Variants in ARID4B observed in about 807,000 individuals in gnomAD.
ARID4B encodes the protein AT-rich interaction domain 4B.
In ARID4B, 26 loss-of-function variants were observed where a neutral mutation model predicts 147.5. The observed-to-expected ratio is 0.18, with a 90% CI of 0.13 to 0.24. ARID4B has a LOEUF of 0.24. Ranked by LOEUF, ARID4B falls within the 10% of genes least tolerant of loss-of-function variation. ARID4B has a pLI of 1.00. For missense variants in ARID4B, 1,179 were observed against 1,511.5 expected (o/e 0.78, Z 3.65); for synonymous variants, 512 against 507.9 (o/e 1.01, Z -0.11).
chr1:235,221,886 ATTTTTTTTTTTTTTTTT>A (rs768600040), intron 13 of ARID4B, among the ~76,000 whole-genome samples: 70 of 53,676 alleles, frequency 1.3e-3, no homozygotes, highest in African/African-American at 3.6e-3. Flanking sequence ...TCATTTGACT[ATTTTTTTTTTTTTTTTT>A]TTTTTTTTTT....
chr1:235,196,747 G>T (rs936677364), intron 17 of ARID4B, among the ~76,000 whole-genome samples: 8 of 151,798 alleles, frequency 5.3e-5, no homozygotes, highest in African/African-American at 1.9e-4. Context: ...CAGCTACTCA[G>T]GAGGCTGAGG....
Position 235,326,986 on chromosome 1 carries a change from G to A in ARID4B, c.-49-18C>T. The A allele has an allele frequency of 6.4e-7, 1 of 1,556,374 alleles. No homozygotes were observed. Among genetic ancestry groups the A allele is most frequent in the Non-Finnish European group, 8.9e-7 (1 of 1,128,118 alleles). ...AGCTGCACCTGGAGGGGAAACAAAA[G>A]ACACCCAGTCAACACCACAGGAGCC... On this transcript the variant is annotated intron_variant, in intron 1 of 23. Transcript: ENST00000264183.
intron 2 of ARID4B, among the ~76,000 whole-genome samples, chr1:235,297,882 A>G (rs1424419683): frequency 2.0e-5 from 3 of 152,200 alleles, no homozygotes; most frequent in Non-Finnish European, 4.4e-5. Flanking sequence ...TTAAGAGACC[A>G]TTTAGAACCG....
At chr1:235,236,369 G>T (rs2103060643) in intron 8 of ARID4B, among the ~76,000 whole-genome samples, 1 of 152,094 alleles carries the variant, frequency 6.6e-6, no homozygotes, top group Non-Finnish European at 1.5e-5. Context: ...AAAATCCTTA[G>T]ATTTTTCATT....
At chr1:235,298,134 T>TA (rs1672874680) in intron 2 of ARID4B, among the ~76,000 whole-genome samples, 1 of 152,170 alleles carries the variant, frequency 6.6e-6, no homozygotes, top group African/African-American at 2.4e-5. Flanking sequence ...GAATTTGCTT[T>TA]AAAATGCTAC....
At chr1:235,244,903 CA>C (rs1036591169) in intron 7 of ARID4B, among the ~76,000 whole-genome samples, 4 of 152,076 alleles carry the variant, frequency 2.6e-5, no homozygotes, top group Non-Finnish European at 5.9e-5. Flanking sequence ...GAAATGTAAT[CA>C]AGGAGATGGG....
chr1:235,169,088 G>C (rs902792464), intron 23 of ARID4B, among the ~76,000 whole-genome samples: 1 of 152,202 alleles, frequency 6.6e-6, no homozygotes, highest in Non-Finnish European at 1.5e-5. Flanking sequence ...ATGGTGACAA[G>C]AGTGGGAGGC....
chr1:235,320,774 C>CCAT (rs1674760637), intron 2 of ARID4B, among the ~76,000 whole-genome samples: 1 of 152,174 alleles, frequency 6.6e-6, no homozygotes. Context: ...CAAGCACACT[C>CCAT]CATCTCAGGG....
rs375991062 is a variant in ARID4B at position 235,252,799 on chromosome 1, G to A, written c.285C>T (p.Asp95=). The stretch of plus-strand genomic sequence containing the variant: ...ATCGTCTCAGTGTCTTCTCATCTCC[G>A]TCATCAAAAACTATGAGAGGGGGTA... ...DASWYTVVFD[D]GDEKTLRRSS... is the part of the protein sequence containing the mutation. Residue 95 remains aspartate (D), a synonymous_variant, in exon 6 of 24, where the codon GAC becomes GAT. Transcript: ENST00000264183. 261 of 1,606,594 alleles carry A rather than the reference G, an allele frequency of 1.6e-4. No individual in the cohort carries two copies. The highest frequency in any genetic ancestry group is 2.0e-4 in the Non-Finnish European group (241 of 1,176,304).
chr1:235,240,332 G>A lies in ARID4B; in HGVS notation c.566C>T (p.Ala189Val), dbSNP rs1428479544. ...ACTCACCAATGCAGGAAACCACAGTGCTTTCTTTTTATCCAAACTAATGTA... is the reference window on the plus strand; with the variant it reads ...ACTCACCAATGCAGGAAACCACAGTACTTTCTTTTTATCCAAACTAATGTA... ...VDYISLDKKK[A>V]LWFPALVVCP... is the part of the protein sequence containing the mutation. The change falls in exon 8 of 24, where the codon GCA (alanine) becomes GTA (valine). Residue 189 changes from alanine (A) to valine (V), a missense_variant. Physicochemically the swap from Ala to Val is moderately conservative, Grantham distance 64 (BLOSUM62 0). Transcript: ENST00000264183. 1 of 1,612,614 alleles carries A rather than the reference G, an allele frequency of 6.2e-7. No individual in the cohort carries two copies. The highest frequency in any genetic ancestry group is 8.5e-7 in the Non-Finnish European group (1 of 1,179,354).
At chr1:235,253,109 T>C (rs1486551687) in intron 5 of ARID4B, among the ~76,000 whole-genome samples, 1 of 152,222 alleles carries the variant, frequency 6.6e-6, no homozygotes, top group African/African-American at 2.4e-5. Flanking sequence ...AAATGCTAAT[T>C]AACTCTTCTC....
chr1:235,220,536 A>G lies in ARID4B; in HGVS notation c.1173T>C (p.Tyr391=). ...CTGATCTACAGTACTCCTCAAAACC[A>G]TATAAGTATCTGGAAACATGAAGAG... ...NVKCAYKKYL[Y]GFEEYCRSAN... is the part of the protein sequence containing the mutation. The change falls in exon 15 of 24, where the codon TAT becomes TAC. Residue 391 remains tyrosine (Y), a synonymous_variant. Coordinates refer to ENST00000264183, the MANE Select transcript of ARID4B (RefSeq NM_016374.6). The G allele has an allele frequency of 1.3e-6, 2 of 1,569,480 alleles. No homozygotes were observed. Among genetic ancestry groups the G allele is most frequent in the Non-Finnish European group, 1.7e-6 (2 of 1,160,268 alleles).
At chr1:235,215,518 TAC>T (rs1667001447) in intron 16 of ARID4B, among the ~76,000 whole-genome samples, 1 of 150,826 alleles carries the variant, frequency 6.6e-6, no homozygotes, top group Non-Finnish European at 1.5e-5. Flanking sequence ...ATTATATATA[TAC>T]ATATATTACA....
intron 8 of ARID4B, among the ~76,000 whole-genome samples, chr1:235,234,840 A>T (rs1272803000): frequency 6.6e-6 from 1 of 152,258 alleles, no homozygotes; most frequent in African/African-American, 2.4e-5. Context: ...CTAAGAAAAA[A>T]ACAAGGGTCC....
intron 2 of ARID4B, among the ~76,000 whole-genome samples, chr1:235,311,097 A>T (rs1304790648): frequency 1.3e-5 from 2 of 152,082 alleles, no homozygotes; most frequent in Non-Finnish European, 2.9e-5. Context: ...TTTAGTAACA[A>T]TGTCATGCAA....
At chr1:235,215,479 ATATGC>A in intron 16 of ARID4B, among the ~76,000 whole-genome samples, 1 of 151,452 alleles carries the variant, frequency 6.6e-6, no homozygotes, top group Admixed American at 6.6e-5. Flanking sequence ...ATATTAAAAT[ATATGC>A]TATATTATAT....
intron 2 of ARID4B, among the ~76,000 whole-genome samples, chr1:235,261,670 G>C (rs1370149337): frequency 6.6e-6 from 1 of 152,050 alleles, no homozygotes; most frequent in Non-Finnish European, 1.5e-5. Flanking sequence ...TTAATAGGAG[G>C]GATTCGCTGG....
intron 2 of ARID4B, among the ~76,000 whole-genome samples, chr1:235,293,962 G>A (rs904268625): frequency 2.0e-5 from 3 of 152,146 alleles, no homozygotes; most frequent in Non-Finnish European, 4.4e-5. Flanking sequence ...TCTTAAAATA[G>A]TTATTAAGTA....
intron 17 of ARID4B, among the ~76,000 whole-genome samples, chr1:235,198,613 A>T (rs368632396): frequency 6.6e-6 from 1 of 152,212 alleles, no homozygotes; most frequent in African/African-American, 2.4e-5. Flanking sequence ...TCTTCTACTC[A>T]ATTATAAAAG....
Sources: allele counts gnomAD v4.1 joint callset (sites outside exome capture counted in the v4.1 genomes callset), GRCh38; gene constraint gnomAD v4.1.1; transcripts MANE v1.5; gene names NCBI Gene and HGNC (gene_info 2026-07-23, HGNC 2026-07-21).